The following PER3 variants were observed in gnomAD, a reference collection of about 807,000 sequenced individuals.
The protein encoded by PER3 is period circadian regulator 3.
PER3 carries 107 observed loss-of-function variants against 127.2 expected under a neutral mutation model. The observed-to-expected ratio is 0.84, with a 90% CI of 0.72 to 0.99. PER3 has a LOEUF of 0.99. Ranked by LOEUF, PER3 falls within the 50% of genes least tolerant of loss-of-function variation. PER3 has a pLI of 0.00. For missense variants in PER3, 1,560 were observed against 1,525.8 expected (o/e 1.02, Z -0.37); for synonymous variants, 618 against 585.8 (o/e 1.05, Z -0.79).
At chr1:7,798,490 G>C in intron 6 of PER3, 35 bp from the exon 7 acceptor site, 1 of 1,582,312 alleles carries the variant, frequency 6.3e-7, no homozygotes, top group Non-Finnish European at 8.6e-7. Flanking sequence ...AGTAGGGTGC[G>C]TCAGGACCAG....
At chr1:7,785,906 G>A (rs1558371857) in intron 3 of PER3, among the ~76,000 whole-genome samples, 1 of 152,116 alleles carries the variant, frequency 6.6e-6, no homozygotes, top group East Asian at 1.9e-4. Context: ...GAAGTTATGG[G>A]AAAAAAATGC....
In PER3 at chr1:7,835,946, G is replaced by C. The variant is rs776171186; in HGVS notation, c.3398+1G>C. On this transcript the variant is annotated splice_donor_variant, in intron 20 of 21. Coordinates refer to ENST00000377532, the MANE Select transcript of PER3 (RefSeq NM_001377275.1). LOFTEE classifies it high-confidence loss of function. ...TCATGACATACCAGGTACCTGAGAGGTAAGAAAGCACTTTAGAAAACCCAC... is the reference window on the plus strand; with the variant it reads ...TCATGACATACCAGGTACCTGAGAGCTAAGAAAGCACTTTAGAAAACCCAC... 2.6e-6 allele frequency: 4 copies of C among 1,562,348 alleles called. No individual in the cohort carries two copies. Among genetic ancestry groups the C allele is most frequent in the Non-Finnish European group, 3.5e-6 (4 of 1,148,010 alleles).
At chr1:7,787,053 G>T (rs1022889920) in intron 4 of PER3, 6 of 448,244 alleles carry the variant, frequency 1.3e-5, no homozygotes, top group Non-Finnish European at 2.4e-5. Context: ...GTGCAGCTCA[G>T]TGACTTTGGT....
rs1459720653 is a variant in PER3, at chr1:7,827,258, C to T, written c.2329C>T (p.Pro777Ser). 2 of 1,613,920 alleles carry T rather than the reference C, an allele frequency of 1.2e-6. No homozygotes were observed. Among genetic ancestry groups the T allele is most frequent in the South Asian group, 1.1e-5 (1 of 91,074 alleles). The change falls in exon 18 of 22, where the codon CCC becomes TCC. Residue 777 changes from proline to serine, a missense_variant. Coordinates refer to ENST00000377532, the MANE Select transcript of PER3 (RefSeq NM_001377275.1). ...CAGGGGAGCGCATCAGAACGCACAG[C>T]CCTGCTGCCCCTCCGCGGCCTCCTC... ...PRRGAHQNAQPCCPSAASSPH... is the reference protein window; with the variant it reads ...PRRGAHQNAQSCCPSAASSPH...
At chr1:7,836,484 T>C (rs2097359270) in intron 20 of PER3, among the ~76,000 whole-genome samples, 1 of 152,138 alleles carries the variant, frequency 6.6e-6, no homozygotes, top group Admixed American at 6.5e-5. Context: ...CGGCCTATGG[T>C]TTCTTAATGT....
At chr1:7,797,637 A>T (rs1439175906) in intron 6 of PER3, among the ~76,000 whole-genome samples, 3 of 103,380 alleles carry the variant, frequency 2.9e-5, no homozygotes, top group Non-Finnish European at 6.1e-5. Context: ...CTCCGTCTTT[A>T]AAAAAAAAAA....
intron 6 of PER3, among the ~76,000 whole-genome samples, chr1:7,796,567 G>A (rs575240805): frequency 7.2e-5 from 11 of 151,920 alleles, no homozygotes; most frequent in Non-Finnish European, 1.2e-4. Flanking sequence ...CAACCTCCTC[G>A]GCCTCCCAAA....
chr1:7,803,877 A>G, intron 10 of PER3, 29 bp downstream of exon 10: 2 of 1,574,836 alleles, frequency 1.3e-6, no homozygotes, highest in Non-Finnish European at 1.7e-6. Flanking sequence ...ATATTTTCTA[A>G]AACATCTCTT....
At position 7,837,126 on chromosome 1, in the gene PER3, G is replaced by A; in HGVS notation, c.3526G>A (p.Val1176Ile). Residue 1176 changes from valine to isoleucine, a missense_variant, in exon 21 of 22, where the codon GTC (valine) becomes ATC (isoleucine). Val to Ile is a conservative substitution (Grantham distance 29, BLOSUM62 3). Coordinates refer to ENST00000377532, the MANE Select transcript of PER3 (RefSeq NM_001377275.1). ...KVYNWIQSQT[V>I]TQEIDIQACV... ...GTATAATTGGATTCAAAGCCAGACT[G>A]TCACTCAAGAAATCGACATTCAAGT... The A allele has an allele frequency of 1.2e-6, 2 of 1,613,350 alleles. No individual in the cohort carries two copies. The highest frequency in any genetic ancestry group is 1.7e-6 in the Non-Finnish European group (2 of 1,179,786).
chr1:7,834,847 TTTGTGTTTTTAATTCCTTCAAAGTCAG>T (rs1436831156), intron 19 of PER3, among the ~76,000 whole-genome samples: 1 of 152,190 alleles, frequency 6.6e-6, no homozygotes, highest in Non-Finnish European at 1.5e-5. Context: ...ATAGTTTTGT[TTTGTGTTTTTAATTCCTTCAAAGTCAG>T]TGAGAAGGTT....
chr1:7,791,964 GTCT>G (rs1196382574), intron 5 of PER3, among the ~76,000 whole-genome samples: 2 of 152,092 alleles, frequency 1.3e-5, no homozygotes, highest in African/African-American at 4.8e-5. Flanking sequence ...ACATTTTCTT[GTCT>G]TCTTCTAAGC....
At chr1:7,803,178 G>A (rs2097177942) in intron 9 of PER3, 25 bp downstream of exon 9, 5 of 1,318,424 alleles carry the variant, frequency 3.8e-6, no homozygotes, top group South Asian at 1.2e-5. Context: ...CTTTATAGGA[G>A]GAAATATTTT....
rs994789327 is a variant in PER3 at position 7,789,343 on chromosome 1, T to C, written c.592+1097T>C. 1.1e-4 allele frequency among the ~76,000 whole-genome samples: 16 copies of C among 152,178 alleles called. 1 individual carries two copies. The highest frequency in any genetic ancestry group is 1.8e-4 in the Non-Finnish European group (12 of 68,030). On this transcript the variant is annotated intron_variant, in intron 5 of 21. Transcript: ENST00000377532. ...AACCCAGTGGGAGATAATTGCATCA[T>C]GAGGGCGTCTTTCCCATGCTGTTCT...
rs537315430 is a variant in PER3 at position 7,809,035 on chromosome 1, A to T, written c.1242+37A>T. 2.9e-6 allele frequency: 3 copies of T among 1,032,962 alleles called. No individual in the cohort carries two copies. The Admixed American group carries it at 5.7e-5, about 20-fold the overall frequency. 64.0% of individuals were successfully genotyped at this position (1,032,962 alleles called of 1,614,324 possible). A position where few individuals can be genotyped will look rare whatever the true frequency, so the allele number is the denominator to read the frequency against. The stretch of plus-strand genomic sequence containing the variant: ...TTGTTAAAAATGCAAAGTTCCCTGA[A>T]TTGTGTTTTGTTTTAATGCTCAGTA... On this transcript the variant is annotated intron_variant, in intron 11 of 21. Coordinates refer to ENST00000377532, the MANE Select transcript of PER3 (RefSeq NM_001377275.1).
At chr1:7,808,647 T>C (rs1037742460) in intron 10 of PER3, among the ~76,000 whole-genome samples, 4 of 152,206 alleles carry the variant, frequency 2.6e-5, no homozygotes, top group African/African-American at 9.7e-5. Context: ...GATTTGTACA[T>C]ATATAGCACT....
At chr1:7,842,315 A>G (rs1216227164) in intron 21 of PER3, among the ~76,000 whole-genome samples, 1 of 152,000 alleles carries the variant, frequency 6.6e-6, no homozygotes, top group Non-Finnish European at 1.5e-5. Flanking sequence ...AGCCTGGCCA[A>G]CATAATGAAA....
chr1:7,790,070 G>A (rs1161222763), intron 5 of PER3, among the ~76,000 whole-genome samples: 1 of 152,186 alleles, frequency 6.6e-6, no homozygotes, highest in South Asian at 2.1e-4. Context: ...TGTCTGCCAG[G>A]TCTTTCCCAT....
At chr1:7,789,438 CTCTT>C (rs2097108599) in intron 5 of PER3, among the ~76,000 whole-genome samples, 1 of 152,196 alleles carries the variant, frequency 6.6e-6, no homozygotes, top group African/African-American at 2.4e-5. Context: ...CAAGCTCTCT[CTCTT>C]TGCCTGCTGC....
intron 10 of PER3, among the ~76,000 whole-genome samples, chr1:7,805,007 T>G (rs1228454403): frequency 6.6e-6 from 1 of 152,038 alleles, no homozygotes; most frequent in Non-Finnish European, 1.5e-5. Flanking sequence ...TAGCTGGGAT[T>G]ACAGGTGCAC....
Sources: gnomAD v4.1 joint callset for allele counts (sites outside exome capture counted in the v4.1 genomes callset) on GRCh38, gnomAD v4.1.1 for gene constraint, MANE v1.5 for transcripts, NCBI Gene and HGNC (gene_info 2026-07-23, HGNC 2026-07-21) for gene names.